Variants in SEC63 observed in about 807,000 individuals in gnomAD.
SEC63 encodes SEC63 protein translocation regulator, also known as translocation protein SEC63 homolog.
SEC63 carries 56 observed loss-of-function variants against 116.2 expected under a neutral mutation model. The observed-to-expected ratio is 0.48, with a 90% CI of 0.39 to 0.60. SEC63 has a LOEUF of 0.60. SEC63 is among the 20% of genes least tolerant of loss of function. The probability of loss-of-function intolerance (pLI) is 0.00; values close to 1 mark genes in which losing one functional copy is unlikely to be tolerated. For synonymous variants in SEC63, 273 were observed against 294.6 expected (o/e 0.93, Z 0.75); for missense variants, 668 against 900.0 (o/e 0.74, Z 3.30).
At chr6:107,952,412 GA>G (rs1562343535) in intron 1 of SEC63, among the ~76,000 whole-genome samples, 1 of 152,068 alleles carries the variant, frequency 6.6e-6, no homozygotes, top group East Asian at 1.9e-4. Context: ...CTTAAAAATT[GA>G]AAGTCCCAAA....
rs542288350 is a variant in SEC63, at chr6:107,898,200, T to C, written c.1358-469A>G. Among the ~76,000 whole-genome samples the C allele has an allele frequency of 7.3e-5, 11 of 151,308 alleles. No individual in the cohort carries two copies. The South Asian group carries it at 1.9e-3, about 26-fold the overall frequency. ...ATAGCTTGAACCTGGGAGCCGGAGG[T>C]TGCAGTGAGCCCAGATCGTACCACT... On this transcript the variant is annotated intron_variant, in intron 13 of 20. Transcript: ENST00000369002.
intron 1 of SEC63, among the ~76,000 whole-genome samples, chr6:107,949,656 G>T (rs1325257338): frequency 6.6e-6 from 1 of 152,070 alleles, no homozygotes; most frequent in African/African-American, 2.4e-5. Flanking sequence ...GTGTGACAGG[G>T]TCTCCTTCTG....
intron 2 of SEC63, among the ~76,000 whole-genome samples, chr6:107,926,109 C>T (rs562910324): frequency 3.4e-4 from 52 of 152,238 alleles, no homozygotes; most frequent in African/African-American, 1.2e-3. Context: ...TGAGCGACTG[C>T]GCCCAGCCTC....
At chr6:107,938,227 T>C (rs1013941149) in intron 1 of SEC63, among the ~76,000 whole-genome samples, 2 of 150,040 alleles carry the variant, frequency 1.3e-5, no homozygotes, top group African/African-American at 4.9e-5. Flanking sequence ...TAATTTAATA[T>C]ATTTCATCCT....
chr6:107,878,036 G>C (rs1342076972), intron 18 of SEC63, among the ~76,000 whole-genome samples: 1 of 152,188 alleles, frequency 6.6e-6, no homozygotes. Context: ...CAGCCTCAAA[G>C]TGGAATAACA....
chr6:107,925,114 T>G (rs1262066674), intron 2 of SEC63, among the ~76,000 whole-genome samples, 182 bp from the exon 3 acceptor site: 2 of 152,250 alleles, frequency 1.3e-5, no homozygotes, highest in African/African-American at 4.8e-5. Context: ...TTTTTACCTC[T>G]GCATTCTTTA....
intron 12 of SEC63, 31 bp from the exon 13 acceptor site, chr6:107,901,548 T>G: frequency 7.0e-7 from 1 of 1,435,294 alleles, no homozygotes; most frequent in Non-Finnish European, 9.6e-7. Flanking sequence ...AAATACATAA[T>G]TCCCTAACTC....
At chr6:107,937,335 A>G (rs1440637004) in intron 1 of SEC63, among the ~76,000 whole-genome samples, 1 of 152,114 alleles carries the variant, frequency 6.6e-6, no homozygotes, top group Non-Finnish European at 1.5e-5. Flanking sequence ...CATGTTGGTC[A>G]GGCTGGTCTC....
chr6:107,914,232 A>T (rs1259577780), intron 4 of SEC63, among the ~76,000 whole-genome samples: 2 of 152,182 alleles, frequency 1.3e-5, no homozygotes, highest in Admixed American at 1.3e-4. Context: ...GTTAAGGAAT[A>T]TAAGGCAGAA....
intron 8 of SEC63, 147 bp downstream of exon 8, chr6:107,908,780 T>C (rs1787210910): frequency 1.9e-6 from 1 of 529,108 alleles, no homozygotes. Flanking sequence ...GGTGCTGGCA[T>C]TTTTCTCTAG....
At chr6:107,898,256 CAAAA>C (rs10602741) in intron 13 of SEC63, among the ~76,000 whole-genome samples, 3 of 135,186 alleles carry the variant, frequency 2.2e-5, no homozygotes, top group Admixed American at 7.4e-5. Flanking sequence ...GACCCCATCT[CAAAA>C]AAAAAAAAAA....
intron 2 of SEC63, among the ~76,000 whole-genome samples, chr6:107,928,231 C>T (rs943666798): frequency 6.6e-6 from 1 of 152,118 alleles, no homozygotes; most frequent in Non-Finnish European, 1.5e-5. Context: ...GCCTGTGATC[C>T]TACCACTTTT....
In SEC63 at chr6:107,953,828, G is replaced by A. The variant is rs1180444471; in HGVS notation, c.124+4058C>T. Among the ~76,000 whole-genome samples, 862 of 141,814 alleles carry A rather than the reference G, an allele frequency of 6.1e-3. 9 individuals are homozygous for A. The highest frequency in any genetic ancestry group is 0.022 in the African/African-American group (818 of 36,960). The allele number at this position is 141,814 out of a possible 152,430, so 93.0% of individuals were successfully genotyped here. A position where few individuals can be genotyped will look rare whatever the true frequency, so the allele number is the denominator to read the frequency against. On this transcript the variant is annotated intron_variant, in intron 1 of 20. Transcript: ENST00000369002. Reference sequence around the variant, plus strand: ...AGCCCCCCGCCCGGCCAGCCGCCCCGTCCGGGAGGGAGGTGGGGGGGTCAG... The same window carrying A: ...AGCCCCCCGCCCGGCCAGCCGCCCCATCCGGGAGGGAGGTGGGGGGGTCAG...
chr6:107,936,992 A>C (rs1438446623), intron 1 of SEC63, among the ~76,000 whole-genome samples: 2 of 152,210 alleles, frequency 1.3e-5, no homozygotes, highest in Non-Finnish European at 2.9e-5. Context: ...AAGTCAGAAC[A>C]TGCAGTATTT....
chr6:107,940,471 T>C (rs555275447), intron 1 of SEC63, among the ~76,000 whole-genome samples: 3 of 152,240 alleles, frequency 2.0e-5, no homozygotes, highest in Non-Finnish European at 2.9e-5. Context: ...TAATTCAATG[T>C]TTCTGTGCAT....
intron 16 of SEC63, among the ~76,000 whole-genome samples, chr6:107,890,435 A>G (rs577983932): frequency 9.2e-5 from 14 of 152,110 alleles, no homozygotes; most frequent in African/African-American, 3.1e-4. Context: ...ATATTCCTCC[A>G]TCTCTTTATT....
intron 16 of SEC63, among the ~76,000 whole-genome samples, chr6:107,886,354 T>C (rs1217332514): frequency 6.6e-6 from 1 of 152,264 alleles, no homozygotes; most frequent in Admixed American, 6.5e-5. Flanking sequence ...AAATGATTTA[T>C]AATCCTTTGG....
chr6:107,904,161 C>G (rs567483163), intron 11 of SEC63, among the ~76,000 whole-genome samples: 22 of 148,474 alleles, frequency 1.5e-4, no homozygotes, highest in African/African-American at 4.5e-4. Flanking sequence ...ACACAGTGAC[C>G]AGGGCTTTGG....
rs138319613 is a variant in SEC63 at position 107,887,026 on chromosome 6, C to T, written c.1675-3880G>A. Among the ~76,000 whole-genome samples the T allele has an allele frequency of 4.1e-3, 624 of 152,144 alleles. 3 individuals carry two copies. Among genetic ancestry groups the T allele is most frequent in the African/African-American group, 0.014 (585 of 41,492 alleles). On this transcript the variant is annotated intron_variant, in intron 16 of 20. Transcript: ENST00000369002. ...GTTTTTATGGTTTTAAGTCTTAAGT[C>T]TTTAGTCCACCTTGAGTTAATTTTT... is the stretch of plus-strand genomic sequence containing the variant.
Sources: gnomAD v4.1 joint callset for allele counts (sites outside exome capture counted in the v4.1 genomes callset) on GRCh38, gnomAD v4.1.1 for gene constraint, MANE v1.5 for transcripts, NCBI Gene and HGNC (gene_info 2026-07-23, HGNC 2026-07-21) for gene names.